GPR141: variants seen among roughly 807,000 people sequenced by gnomAD.
GPR141 encodes the protein G protein-coupled receptor 141, also known as probable G protein-coupled receptor 141.
GPR141 carries 6 observed loss-of-function variants against 6.8 expected under a neutral mutation model. The observed-to-expected ratio is 0.88, with a 90% CI of 0.48 to 1.74. The LOEUF is 1.74. GPR141 is among the 40% of genes most tolerant of loss of function. GPR141 has a pLI of 0.01. For synonymous variants in GPR141, 140 were observed against 142.3 expected (o/e 0.98, Z 0.11); for missense variants, 372 against 372.9 (o/e 1.00, Z 0.02).
At chr7:37,696,626 A>G (rs1165109199) in intron 2 of GPR141, among the ~76,000 whole-genome samples, 1 of 151,888 alleles carries the variant, frequency 6.6e-6, no homozygotes, top group African/African-American at 2.4e-5. Flanking sequence ...GTCATCTAGT[A>G]TAATGGCACT....
At chr7:37,705,253 C>A (rs1305557370) in intron 2 of GPR141, among the ~76,000 whole-genome samples, 1 of 152,174 alleles carries the variant, frequency 6.6e-6, no homozygotes, top group Non-Finnish European at 1.5e-5. Context: ...GTCCACAATT[C>A]ATGTGTTTGC....
At chr7:37,718,038 T>C (rs927742847) in intron 2 of GPR141, among the ~76,000 whole-genome samples, 2 of 151,968 alleles carry the variant, frequency 1.3e-5, no homozygotes, top group Non-Finnish European at 1.5e-5. Context: ...AGTTTATAAC[T>C]AGTAAGGGTG....
intron 2 of GPR141, among the ~76,000 whole-genome samples, chr7:37,720,667 G>C (rs1325314153): frequency 6.6e-6 from 1 of 150,560 alleles, no homozygotes; most frequent in Non-Finnish European, 1.5e-5. Context: ...CGTGAACCCG[G>C]AAGGCGGAGC....
intron 2 of GPR141, among the ~76,000 whole-genome samples, chr7:37,723,898 G>C (rs1379252420): frequency 6.6e-6 from 1 of 152,244 alleles, no homozygotes; most frequent in African/African-American, 2.4e-5. Flanking sequence ...CTGGTAAGGA[G>C]ATGGACATTC....
At chr7:37,718,461 A>G (rs1310299401) in intron 2 of GPR141, among the ~76,000 whole-genome samples, 1 of 151,920 alleles carries the variant, frequency 6.6e-6, no homozygotes, top group Non-Finnish European at 1.5e-5. Flanking sequence ...GGCTACAGTG[A>G]GCTATGAACC....
At chr7:37,697,798 A>T (rs2131746441) in intron 2 of GPR141, among the ~76,000 whole-genome samples, 1 of 152,332 alleles carries the variant, frequency 6.6e-6, no homozygotes, top group South Asian at 2.1e-4. Context: ...GTCTGAGAAG[A>T]GGCTCTGGGC....
chr7:37,715,740 CTG>C (rs1370730336), intron 2 of GPR141, among the ~76,000 whole-genome samples: 1 of 152,150 alleles, frequency 6.6e-6, no homozygotes, highest in Admixed American at 6.5e-5. Context: ...CCCTAGAAGA[CTG>C]TGGCCAGCAG....
chr7:37,692,284 A>C (rs1390478872), intron 2 of GPR141, among the ~76,000 whole-genome samples: 2 of 152,116 alleles, frequency 1.3e-5, no homozygotes, highest in Non-Finnish European at 2.9e-5. Flanking sequence ...GCTGAGAATG[A>C]TGGTTTCAAG....
chr7:37,710,128 C>T (rs1181875186), intron 2 of GPR141, among the ~76,000 whole-genome samples: 2 of 152,142 alleles, frequency 1.3e-5, no homozygotes, highest in Non-Finnish European at 2.9e-5. Context: ...TGAGTTTAGT[C>T]ATCTCACTCT....
chr7:37,702,976 T>A (rs1810359566), intron 2 of GPR141, among the ~76,000 whole-genome samples: 1 of 152,000 alleles, frequency 6.6e-6, no homozygotes, highest in Admixed American at 6.6e-5. Flanking sequence ...TGAGGTAACA[T>A]TTCTTCCTTT....
At chr7:37,721,106 T>A (rs1216294537) in intron 2 of GPR141, among the ~76,000 whole-genome samples, 2 of 152,158 alleles carry the variant, frequency 1.3e-5, no homozygotes, top group African/African-American at 4.8e-5. Context: ...GGAAAGGGAC[T>A]TCTGTGTTGC....
At chr7:37,696,749 C>T (rs1304668394) in intron 2 of GPR141, among the ~76,000 whole-genome samples, 2 of 151,892 alleles carry the variant, frequency 1.3e-5, no homozygotes, top group Non-Finnish European at 2.9e-5. Context: ...TATGTGATGG[C>T]CTTGCTTAAA....
At chr7:37,697,213 A>C (rs1449681796) in intron 2 of GPR141, among the ~76,000 whole-genome samples, 1 of 152,178 alleles carries the variant, frequency 6.6e-6, no homozygotes, top group Non-Finnish European at 1.5e-5. Flanking sequence ...AATTACGAGA[A>C]ATTACAAGTT....
chr7:37,703,418 A>G (rs1362412897), intron 2 of GPR141, among the ~76,000 whole-genome samples: 1 of 152,164 alleles, frequency 6.6e-6, no homozygotes, highest in Non-Finnish European at 1.5e-5. Flanking sequence ...TTTTTCATCA[A>G]TTCTGGAAAT....
intron 1 of GPR141, among the ~76,000 whole-genome samples, chr7:37,684,205 G>A (rs2131715052): frequency 6.6e-6 from 1 of 152,252 alleles, no homozygotes. Flanking sequence ...AGAGCAGTTG[G>A]CACTATTGAA....
chr7:37,689,330 G>A (rs1218774403), intron 2 of GPR141, among the ~76,000 whole-genome samples: 1 of 152,038 alleles, frequency 6.6e-6, no homozygotes, highest in African/African-American at 2.4e-5. Flanking sequence ...GTGCTCATCA[G>A]GGATATAGGC....
At chr7:37,693,486 G>C (rs898819854) in intron 2 of GPR141, among the ~76,000 whole-genome samples, 3 of 152,144 alleles carry the variant, frequency 2.0e-5, no homozygotes, top group Admixed American at 2.0e-4. Flanking sequence ...GGTTATATGG[G>C]CTTGAGGAGT....
chr7:37,720,698 G>A (rs1016384988), intron 2 of GPR141, among the ~76,000 whole-genome samples: 4 of 143,634 alleles, frequency 2.8e-5, no homozygotes, highest in Non-Finnish European at 6.0e-5. Context: ...CTGAGATTGC[G>A]CCACTGCACT....
intron 1 of GPR141, 96 bp from the exon 2 acceptor site, chr7:37,685,364 T>TGCCTG (rs1809450918): frequency 1.4e-5 from 2 of 145,358 alleles, no homozygotes; most frequent in African/African-American, 5.3e-5. Flanking sequence ...CCTCCTTCCT[T>TGCCTG]CCTGCCTGCC....
Sources: gnomAD v4.1 joint callset for allele counts (sites outside exome capture counted in the v4.1 genomes callset) on GRCh38, gnomAD v4.1.1 for gene constraint, MANE v1.5 for transcripts, NCBI Gene and HGNC (gene_info 2026-07-23, HGNC 2026-07-21) for gene names.